The following GOLPH3 variants were observed in gnomAD, a reference collection of about 807,000 sequenced individuals.
GOLPH3 encodes golgi phosphoprotein 3.
In GOLPH3, 14 loss-of-function variants were observed where a neutral mutation model predicts 28.5. The observed-to-expected ratio is 0.49, with a 90% confidence interval of 0.32 to 0.77. The LOEUF (loss-of-function observed/expected upper bound fraction) is 0.77, where lower values mean the gene tolerates loss of function less well. Among genes scored for constraint, GOLPH3 ranks in the 30% least tolerant of loss-of-function variants. GOLPH3 has a pLI of 0.03. For missense variants in GOLPH3, 350 were observed against 393.7 expected (o/e 0.89, Z 0.94); for synonymous variants, 158 against 159.2 (o/e 0.99, Z 0.06).
In GOLPH3 at chr5:32,170,206, A is replaced by G. The variant is rs980484601; in HGVS notation, c.225+3604T>C. On this transcript the variant is annotated intron_variant, in intron 1 of 3. Coordinates refer to ENST00000265070, the MANE Select transcript of GOLPH3 (RefSeq NM_022130.4). Reference sequence around the variant, plus strand: ...TGGATGAATCTCACATTGAACAAAAAGCAGACACAAAGTACAAAAAACTAG... The same window carrying G: ...TGGATGAATCTCACATTGAACAAAAGGCAGACACAAAGTACAAAAAACTAG... Among the ~76,000 whole-genome samples, 3 of 152,230 alleles carry G rather than the reference A, an allele frequency of 2.0e-5. No homozygotes were observed. In the South Asian group the frequency reaches 6.2e-4, roughly 31 times the overall value.
chr5:32,146,421 T>C (rs1272228670), intron 1 of GOLPH3, among the ~76,000 whole-genome samples: 1 of 152,190 alleles, frequency 6.6e-6, no homozygotes, highest in African/African-American at 2.4e-5. Context: ...ACACCCCAAG[T>C]AGGCTGGGCC....
intron 3 of GOLPH3, among the ~76,000 whole-genome samples, chr5:32,131,014 C>G (rs371050997): frequency 6.6e-6 from 1 of 152,178 alleles, no homozygotes; most frequent in Non-Finnish European, 1.5e-5. Flanking sequence ...AAGTATTCCA[C>G]TTATGACTGG....
intron 2 of GOLPH3, among the ~76,000 whole-genome samples, chr5:32,139,656 C>A (rs978980178): frequency 6.6e-6 from 1 of 152,204 alleles, no homozygotes; most frequent in Admixed American, 6.5e-5. Flanking sequence ...TAAATATGTT[C>A]TATCCAAACA....
intron 1 of GOLPH3, among the ~76,000 whole-genome samples, chr5:32,147,928 C>T (rs1320527711): frequency 6.6e-6 from 1 of 152,150 alleles, no homozygotes; most frequent in Non-Finnish European, 1.5e-5. Context: ...TAGTTTTCTT[C>T]ATATAAAACA....
intron 3 of GOLPH3, among the ~76,000 whole-genome samples, chr5:32,131,712 G>A (rs1303016051): frequency 1.3e-5 from 2 of 152,134 alleles, no homozygotes; most frequent in Admixed American, 6.6e-5. Context: ...AAGTAAATAC[G>A]GAGAGGAAAA....
Position 32,126,382 on chromosome 5 carries a change from C to G in GOLPH3, c.727G>C (p.Ala243Pro). The G allele has an allele frequency of 6.2e-7, 1 of 1,614,138 alleles. No homozygotes were observed. The highest frequency in any genetic ancestry group is 1.1e-5 in the South Asian group (1 of 91,078). Residue 243 changes from alanine (A) to proline (P), a missense_variant, in exon 4 of 4, where the codon GCT (alanine) becomes CCT (proline). Physicochemically the swap from Ala to Pro is conservative, Grantham distance 27 (BLOSUM62 -1). Transcript: ENST00000265070. Reference sequence around the variant, plus strand: ...TTCTCCAGGACGTCCGAGGCATGAGCCAGGTAAATGAGGGCCAGCAAGCGC... The same window carrying G: ...TTCTCCAGGACGTCCGAGGCATGAGGCAGGTAAATGAGGGCCAGCAAGCGC... ...DRRLLALIYL[A>P]HASDVLENAF...
intron 2 of GOLPH3, among the ~76,000 whole-genome samples, chr5:32,136,605 T>C (rs2111844856): frequency 6.6e-6 from 1 of 152,326 alleles, no homozygotes. Context: ...AGCATTATTA[T>C]TAGTCCCAGA....
At position 32,162,075 on chromosome 5, in the gene GOLPH3, T is replaced by C. The variant is rs553441600; in HGVS notation, c.225+11735A>G. On this transcript the variant is annotated intron_variant, in intron 1 of 3. Transcript: ENST00000265070. ...AAAATAAAAAAATAAAAATCAGAAG[T>C]CAAGTGGTACTTCAAGTTTCCAAAT... Among the ~76,000 whole-genome samples, 77 of 151,090 alleles carry C rather than the reference T, an allele frequency of 5.1e-4. 2 individuals are homozygous for C. The South Asian group carries it at 0.015, about 30-fold the overall frequency.
rs1745648126 is a variant in GOLPH3 at position 32,125,135 on chromosome 5, T to C, written c.*1077A>G. Reference sequence around the variant, plus strand: ...AATCATTACTTGCTACCAATTTACATGCAACATCTGCTAGGACTGACATTT... The same window carrying C: ...AATCATTACTTGCTACCAATTTACACGCAACATCTGCTAGGACTGACATTT... On this transcript the variant is annotated 3_prime_UTR_variant, in exon 4 of 4. Transcript: ENST00000265070. 1.3e-5 allele frequency: 2 copies of C among 152,642 alleles called. No individual in the cohort carries two copies. The allele number at this position is 152,642 out of a possible 1,614,324, so 9.5% of individuals were successfully genotyped here. A position where few individuals can be genotyped will look rare whatever the true frequency, so the allele number is the denominator to read the frequency against.
intron 1 of GOLPH3, among the ~76,000 whole-genome samples, chr5:32,147,470 G>C (rs1468607275): frequency 1.3e-5 from 2 of 151,968 alleles, no homozygotes; most frequent in Admixed American, 6.6e-5. Flanking sequence ...TGGTGCAGAG[G>C]TTATTACAAA....
rs1746299926 is a variant in GOLPH3, at chr5:32,151,262, T to C, written c.226-7382A>G. Among the ~76,000 whole-genome samples, 3 of 151,816 alleles carry C rather than the reference T, an allele frequency of 2.0e-5. No homozygotes were observed. The South Asian group carries it at 6.2e-4, about 32-fold the overall frequency. On this transcript the variant is annotated intron_variant, in intron 1 of 3. Coordinates refer to ENST00000265070, the MANE Select transcript of GOLPH3 (RefSeq NM_022130.4). ...TATTTTGAGGCCAGGCACAGTGGCT[T>C]ACACCCGTAATCCCAGCACTTTGGG... is the stretch of plus-strand genomic sequence containing the variant.
chr5:32,142,105 G>C (rs1299541186), intron 2 of GOLPH3, among the ~76,000 whole-genome samples: 1 of 149,176 alleles, frequency 6.7e-6, no homozygotes. Context: ...TGGCTGCCCA[G>C]TCTGGAAAGT....
chr5:32,129,848 T>C (rs1033952966), intron 3 of GOLPH3, among the ~76,000 whole-genome samples: 4 of 138,142 alleles, frequency 2.9e-5, no homozygotes, highest in East Asian at 2.0e-4. Flanking sequence ...ACTTCCACCC[T>C]TTTTTTTTTT....
chr5:32,128,983 C>T (rs898599913), intron 3 of GOLPH3, among the ~76,000 whole-genome samples: 3 of 151,978 alleles, frequency 2.0e-5, no homozygotes, highest in Non-Finnish European at 4.4e-5. Flanking sequence ...AATCCCAGCA[C>T]TTTGGGAAGC....
chr5:32,143,727 T>G, intron 2 of GOLPH3, 22 bp downstream of exon 2: 1 of 1,590,384 alleles, frequency 6.3e-7, no homozygotes, highest in Middle Eastern at 1.7e-4. Flanking sequence ...TTAAAAAGAA[T>G]GTTACTCAGC....
chr5:32,153,698 A>G (rs1561674777), intron 1 of GOLPH3, among the ~76,000 whole-genome samples: 1 of 152,260 alleles, frequency 6.6e-6, no homozygotes, highest in Non-Finnish European at 1.5e-5. Context: ...CAGTAAGTTA[A>G]ATAAAAATCT....
At chr5:32,143,951 T>C (rs2111858589) in intron 1 of GOLPH3, 71 bp from the exon 2 acceptor site, 1 of 1,051,958 alleles carries the variant, frequency 9.5e-7, no homozygotes. Context: ...AAAACAGAAA[T>C]ATTATCAGCC....
At chr5:32,156,694 G>A (rs1289778178) in intron 1 of GOLPH3, among the ~76,000 whole-genome samples, 1 of 152,074 alleles carries the variant, frequency 6.6e-6, no homozygotes, top group Non-Finnish European at 1.5e-5. Context: ...CATAAGGATC[G>A]CCTACCTTAG....
intron 1 of GOLPH3, among the ~76,000 whole-genome samples, chr5:32,172,499 A>G (rs1038751515): frequency 6.6e-6 from 1 of 152,034 alleles, no homozygotes; most frequent in Non-Finnish European, 1.5e-5. Flanking sequence ...GATCGAGACC[A>G]TCCTGGCCAA....
Sources: gnomAD v4.1 joint callset for allele counts (sites outside exome capture counted in the v4.1 genomes callset) on GRCh38, gnomAD v4.1.1 for gene constraint, MANE v1.5 for transcripts, NCBI Gene and HGNC (gene_info 2026-07-23, HGNC 2026-07-21) for gene names.